CCDC60: variants seen among roughly 807,000 people sequenced by gnomAD.
CCDC60 encodes the protein coiled-coil domain-containing protein 60.
CCDC60 carries 54 observed loss-of-function variants against 63.5 expected under a neutral mutation model. The ratio of observed to expected loss-of-function variants is 0.85; its 90% CI spans 0.68 to 1.07. CCDC60 has a LOEUF of 1.07. Ranked by LOEUF, CCDC60 falls within the 50% of genes least tolerant of loss-of-function variation. The pLI, the probability that CCDC60 is intolerant of heterozygous loss-of-function variation, is 0.00. For missense variants in CCDC60, 651 were observed against 684.3 expected, an observed-to-expected ratio of 0.95 and a Z score of 0.54; for synonymous variants, 206 against 238.8, an observed-to-expected ratio of 0.86 and a Z score of 1.27.
At chr12:119,373,668 G>A (rs1320615302) in intron 1 of CCDC60, among the ~76,000 whole-genome samples, 3 of 36,314 alleles carry the variant, frequency 8.3e-5, no homozygotes, top group East Asian at 9.9e-4. Flanking sequence ...GGGGTGGGGT[G>A]GGGGGGGGTC....
At chr12:119,375,721 G>T (rs1225193675) in intron 1 of CCDC60, among the ~76,000 whole-genome samples, 2 of 152,198 alleles carry the variant, frequency 1.3e-5, no homozygotes, top group African/African-American at 4.8e-5. Flanking sequence ...TCAGCAGAAT[G>T]AACAGAAATA....
chr12:119,482,009 A>G (rs200161167), intron 4 of CCDC60, among the ~76,000 whole-genome samples: 4 of 40,644 alleles, frequency 9.8e-5, no homozygotes, highest in Non-Finnish European at 1.7e-4. Flanking sequence ...TATATATAGT[A>G]TATATATATG....
At chr12:119,359,854 G>C (rs1293735921) in intron 1 of CCDC60, among the ~76,000 whole-genome samples, 1 of 151,836 alleles carries the variant, frequency 6.6e-6, no homozygotes, top group Non-Finnish European at 1.5e-5. Context: ...TTGGGGGTAA[G>C]GTCACAGATC....
chr12:119,397,440 A>T (rs1956278798), intron 1 of CCDC60, among the ~76,000 whole-genome samples: 1 of 151,998 alleles, frequency 6.6e-6, no homozygotes, highest in Admixed American at 6.5e-5. Flanking sequence ...TCCCTGAGTT[A>T]GACACAGAGT....
intron 4 of CCDC60, among the ~76,000 whole-genome samples, chr12:119,483,309 G>A (rs147501148): frequency 3.9e-5 from 6 of 152,332 alleles, no homozygotes; most frequent in East Asian, 1.9e-4. Context: ...CAGCCAATGC[G>A]GATCAGAGCC....
intron 2 of CCDC60, among the ~76,000 whole-genome samples, chr12:119,436,488 G>C (rs957362379): frequency 8.6e-5 from 13 of 151,548 alleles, no homozygotes; most frequent in African/African-American, 2.7e-4. Flanking sequence ...TAGGAAATTA[G>C]AGAACACAGC....
At chr12:119,503,459 C>G (rs1405784) in intron 6 of CCDC60, among the ~76,000 whole-genome samples, 12,546 of 152,260 alleles carry the variant, frequency 0.082, 678 homozygotes, top group Non-Finnish European at 0.12. Flanking sequence ...ATTTCTTGAT[C>G]AGTCATTTTG....
intron 1 of CCDC60, among the ~76,000 whole-genome samples, chr12:119,345,882 A>G (rs1387636926): frequency 6.6e-6 from 1 of 151,166 alleles, no homozygotes; most frequent in Non-Finnish European, 1.5e-5. Flanking sequence ...CAGTGGCGCG[A>G]TCTCAGCTCA....
At chr12:119,480,791 TCAC>T (rs1363577998) in intron 4 of CCDC60, among the ~76,000 whole-genome samples, 22 of 143,218 alleles carry the variant, frequency 1.5e-4, no homozygotes, top group Admixed American at 6.9e-4. Flanking sequence ...ACCATCATCA[TCAC>T]CACCATCGTC....
At chr12:119,362,568 A>G (rs534083735) in intron 1 of CCDC60, among the ~76,000 whole-genome samples, 2 of 152,278 alleles carry the variant, frequency 1.3e-5, no homozygotes, top group African/African-American at 2.4e-5. Context: ...TATCTGGGTG[A>G]TTTAATCCAC....
At chr12:119,438,516 G>A (rs1375779796) in intron 2 of CCDC60, among the ~76,000 whole-genome samples, 1 of 152,180 alleles carries the variant, frequency 6.6e-6, no homozygotes, top group Non-Finnish European at 1.5e-5. Flanking sequence ...CCAGTTATTA[G>A]CTGGGTGGCT....
intron 5 of CCDC60, among the ~76,000 whole-genome samples, chr12:119,491,093 C>T (rs1342905021): frequency 1.3e-5 from 2 of 152,186 alleles, no homozygotes; most frequent in Admixed American, 1.3e-4. Context: ...GAAATAGGAT[C>T]ATATCTGCAT....
At chr12:119,460,531 C>CAAG (rs1950836517) in intron 2 of CCDC60, among the ~76,000 whole-genome samples, 1 of 152,162 alleles carries the variant, frequency 6.6e-6, no homozygotes, top group Admixed American at 6.5e-5. Context: ...AACAAGCTGC[C>CAAG]CCCAAACTCA....
At chr12:119,392,902 C>T (rs1565982746) in intron 1 of CCDC60, among the ~76,000 whole-genome samples, 1 of 152,182 alleles carries the variant, frequency 6.6e-6, no homozygotes, top group Non-Finnish European at 1.5e-5. Flanking sequence ...CACCTGTAAT[C>T]CCAGCACTTT....
intron 5 of CCDC60, among the ~76,000 whole-genome samples, chr12:119,494,826 C>A (rs1253230689): frequency 6.6e-6 from 1 of 151,962 alleles, no homozygotes; most frequent in Non-Finnish European, 1.5e-5. Context: ...ACTAAAAATA[C>A]AAAATTAGCC....
chr12:119,353,508 G>C (rs1467269546), intron 1 of CCDC60, among the ~76,000 whole-genome samples: 1 of 147,990 alleles, frequency 6.8e-6, no homozygotes, highest in East Asian at 2.0e-4. Flanking sequence ...CTGTCTCTCT[G>C]TCTGTATTTC....
intron 3 of CCDC60, among the ~76,000 whole-genome samples, chr12:119,476,320 G>A (rs1467157395): frequency 6.6e-6 from 1 of 152,138 alleles, no homozygotes; most frequent in African/African-American, 2.4e-5. Context: ...CCAGAGATTA[G>A]GGATGTAAAA....
At position 119,389,428 on chromosome 12, in the gene CCDC60, T is replaced by C. The variant is rs1367916612; in HGVS notation, c.91-39255T>C. 7.2e-5 allele frequency among the ~76,000 whole-genome samples: 11 copies of C among 152,164 alleles called. No individual in the cohort carries two copies. In the East Asian group the frequency reaches 2.1e-3, roughly 29 times the overall value. ...CCCCAAAAGCCTAGTATTTATGGTG[T>C]GGCCCTTTCTAGACAAGTTTGCTGA... On this transcript the variant is annotated intron_variant, in intron 1 of 13. Coordinates refer to ENST00000327554, the MANE Select transcript of CCDC60 (RefSeq NM_178499.5).
intron 5 of CCDC60, among the ~76,000 whole-genome samples, chr12:119,498,839 C>T (rs1951776314): frequency 6.6e-6 from 1 of 152,180 alleles, no homozygotes; most frequent in African/African-American, 2.4e-5. Context: ...GTTGAGAGAT[C>T]ACACGTTGAG....
Sources: allele counts gnomAD v4.1 joint callset (sites outside exome capture counted in the v4.1 genomes callset), GRCh38; gene constraint gnomAD v4.1.1; transcripts MANE v1.5; gene names NCBI Gene and HGNC (gene_info 2026-07-23, HGNC 2026-07-21).